NEXMIF: variants seen among roughly 807,000 people sequenced by gnomAD.
NEXMIF encodes neurite extension and migration factor, also known as XLMR protein related to neurite extension.
A neutral mutation model predicts 62.1 loss-of-function variants in NEXMIF; 8 were observed. The ratio of observed to expected loss-of-function variants is 0.13; its 90% CI spans 0.08 to 0.23. The LOEUF (loss-of-function observed/expected upper bound fraction) is 0.23, where lower values mean the gene tolerates loss of function less well. Among genes scored for constraint, NEXMIF ranks in the 10% least tolerant of loss-of-function variants. NEXMIF has a pLI of 1.00. For missense variants in NEXMIF, 976 were observed against 1,113.3 expected (o/e 0.88, Z 1.75); for synonymous variants, 404 against 416.6 (o/e 0.97, Z 0.37).
intron 1 of NEXMIF, among the ~76,000 whole-genome samples, chrX:74,917,762 T>C (rs939949127): frequency 9.0e-6 from 1 of 111,303 alleles, no homozygotes; most frequent in Non-Finnish European, 1.9e-5. Flanking sequence ...GAGAAACAGA[T>C]GAAACAGAGA....
intron 3 of NEXMIF, 75 bp downstream of exon 3, chrX:74,740,025 A>G: frequency 1.0e-6 from 1 of 973,634 alleles, no homozygotes; most frequent in South Asian, 2.4e-5. Context: ...GAGGGAAAAA[A>G]TGAGGGACTG....
intron 1 of NEXMIF, among the ~76,000 whole-genome samples, chrX:74,920,570 G>C (rs2147377765): frequency 9.0e-6 from 1 of 111,330 alleles, no homozygotes; most frequent in African/African-American, 3.3e-5. Context: ...CTCCCATTTT[G>C]TAGGTTGCCT....
At chrX:74,888,691 T>TA (rs368789384) in intron 1 of NEXMIF, among the ~76,000 whole-genome samples, 65 of 103,927 alleles carry the variant, frequency 6.3e-4, no homozygotes, top group African/African-American at 9.4e-4. Context: ...TAAAGTACAA[T>TA]AAAAAAACTA....
rs1569335814 is a variant in NEXMIF at position 74,743,549 on chromosome X, G to A, written c.1008C>T (p.Asn336=). ...TLLMQEDAQF[N]FFPSVFTTCP... is the part of the protein sequence containing the mutation. ...AGGTAGTAAAGACGCTGGGAAAAAA[G>A]TTGAATTGGGCATCTTCCTGCATCA... Residue 336 remains asparagine (N), a synonymous_variant, in exon 3 of 4, where the codon AAC becomes AAT. Coordinates refer to ENST00000055682, the MANE Select transcript of NEXMIF (RefSeq NM_001008537.3). The A allele has an allele frequency of 3.3e-6, 4 of 1,211,283 alleles. No homozygotes were observed. The highest frequency in any genetic ancestry group is 4.5e-6 in the Non-Finnish European group (4 of 895,290).
At chrX:74,754,998 A>G (rs975992918) in intron 1 of NEXMIF, among the ~76,000 whole-genome samples, 2 of 112,262 alleles carry the variant, frequency 1.8e-5, no homozygotes, top group East Asian at 5.6e-4. Flanking sequence ...TTTACCATCC[A>G]TAAAATCTCT....
chrX:74,778,252 T>C (rs761339390), intron 1 of NEXMIF, among the ~76,000 whole-genome samples: 1 of 111,946 alleles, frequency 8.9e-6, no homozygotes, highest in South Asian at 3.8e-4. Flanking sequence ...TAAATATTCA[T>C]AGATTTTTCC....
chrX:74,762,079 T>A (rs767734245), intron 1 of NEXMIF, among the ~76,000 whole-genome samples: 6 of 109,780 alleles, frequency 5.5e-5, no homozygotes, highest in Admixed American at 2.0e-4. Flanking sequence ...TCCTCGCCAT[T>A]TACATTAGGT....
At chrX:74,884,174 C>T (rs947628118) in intron 1 of NEXMIF, among the ~76,000 whole-genome samples, 5 of 111,905 alleles carry the variant, frequency 4.5e-5, no homozygotes, top group African/African-American at 1.3e-4. Context: ...ACAACCAGTA[C>T]CAGCCACTGC....
intron 1 of NEXMIF, among the ~76,000 whole-genome samples, chrX:74,888,241 T>C (rs2080704324): frequency 9.3e-6 from 1 of 107,726 alleles, no homozygotes; most frequent in Non-Finnish European, 1.9e-5. Context: ...TATACATATG[T>C]AACAAACCTT....
intron 1 of NEXMIF, among the ~76,000 whole-genome samples, chrX:74,830,579 T>A (rs1055551532): frequency 2.7e-5 from 3 of 111,731 alleles, no homozygotes; most frequent in Non-Finnish European, 5.6e-5. Flanking sequence ...TAAAAAAAAA[T>A]TATGTGAAAA....
intron 1 of NEXMIF, among the ~76,000 whole-genome samples, chrX:74,853,502 C>T (rs1351228189): frequency 9.2e-6 from 1 of 109,215 alleles, no homozygotes; most frequent in Non-Finnish European, 1.9e-5. Flanking sequence ...ATGTACCTGG[C>T]TTCCAGGTAC....
Position 74,753,105 on chromosome X carries a change from T to C in NEXMIF, c.-47-7408A>G, listed in dbSNP as rs569978975. 4.4e-5 allele frequency among the ~76,000 whole-genome samples: 5 copies of C among 112,484 alleles called. No homozygotes were observed. In the South Asian group the frequency reaches 1.9e-3, roughly 42 times the overall value. On this transcript the variant is annotated intron_variant, in intron 1 of 3. Coordinates refer to ENST00000055682, the MANE Select transcript of NEXMIF (RefSeq NM_001008537.3). ...GCTTTTGTTGCCAGGCAGCACTGAGTTACATTTAATGCTTGAGCGCAATAA... is the reference window on the plus strand; with the variant it reads ...GCTTTTGTTGCCAGGCAGCACTGAGCTACATTTAATGCTTGAGCGCAATAA...
At chrX:74,751,698 CTTCCTTCCTTCCT>C (rs2080144199) in intron 1 of NEXMIF, among the ~76,000 whole-genome samples, 6 of 92,220 alleles carry the variant, frequency 6.5e-5, no homozygotes, top group Admixed American at 4.7e-4. Flanking sequence ...TCTTTTCTTC[CTTCCTTCCTTCCT>C]TTCCTTCCTT....
intron 1 of NEXMIF, among the ~76,000 whole-genome samples, chrX:74,886,087 A>T (rs1319133462): frequency 2.7e-5 from 3 of 112,270 alleles, no homozygotes; most frequent in African/African-American, 9.7e-5. Flanking sequence ...GGCCTTTGAC[A>T]AAATTCAACA....
intron 1 of NEXMIF, among the ~76,000 whole-genome samples, chrX:74,776,307 T>C (rs1381982918): frequency 8.9e-6 from 1 of 112,170 alleles, no homozygotes; most frequent in Non-Finnish European, 1.9e-5. Flanking sequence ...TCATTCCTTC[T>C]TGAGCGTTTC....
chrX:74,779,651 T>C (rs770885492), intron 1 of NEXMIF, among the ~76,000 whole-genome samples: 10 of 112,198 alleles, frequency 8.9e-5, no homozygotes, highest in Non-Finnish European at 1.7e-4. Flanking sequence ...CCTCTGTCTT[T>C]CTTAAGCTGA....
chrX:74,836,763 C>CATGG (rs1378158436), intron 1 of NEXMIF, among the ~76,000 whole-genome samples: 1 of 111,401 alleles, frequency 9.0e-6, no homozygotes, highest in Non-Finnish European at 1.9e-5. Context: ...TGGGGGGAGG[C>CATGG]ATGGGGCAAG....
intron 1 of NEXMIF, among the ~76,000 whole-genome samples, chrX:74,906,897 T>C (rs1312303848): frequency 9.0e-6 from 1 of 111,670 alleles, no homozygotes; most frequent in Non-Finnish European, 1.9e-5. Context: ...TATTAATTGA[T>C]CATTGAATGT....
intron 1 of NEXMIF, among the ~76,000 whole-genome samples, chrX:74,855,715 G>A (rs2080532606): frequency 8.9e-6 from 1 of 112,038 alleles, no homozygotes; most frequent in Middle Eastern, 4.2e-3. Context: ...CTACCTGCCT[G>A]AGCATTGAAG....
Sources: allele counts gnomAD v4.1 joint callset (sites outside exome capture counted in the v4.1 genomes callset), GRCh38; gene constraint gnomAD v4.1.1; transcripts MANE v1.5; gene names NCBI Gene and HGNC (gene_info 2026-07-23, HGNC 2026-07-21).